Variants in APOD observed in about 807,000 individuals in gnomAD.
APOD encodes the protein apolipoprotein D.
Under a neutral mutation model 20.4 loss-of-function variants are expected in APOD, and 22 were observed. The observed-to-expected ratio is 1.08, with a 90% CI of 0.77 to 1.54. The LOEUF (loss-of-function observed/expected upper bound fraction) is 1.54. Ranked by LOEUF, APOD falls within the 40% of genes most tolerant of loss-of-function variation. The pLI, the probability that APOD is intolerant of heterozygous loss-of-function variation, is 0.00. For missense variants in APOD, 223 were observed against 229.6 expected (o/e 0.97, Z 0.19); for synonymous variants, 97 against 92.4 (o/e 1.05, Z -0.29).
At chr3:195,583,853 A>G (rs1385352431) in intron 1 of APOD, 25 bp downstream of exon 1, 1 of 152,188 alleles carries the variant, frequency 6.6e-6, no homozygotes, top group African/African-American at 2.4e-5. Flanking sequence ...ATCATAAATG[A>G]AAAGCTTAAA....
In APOD at chr3:195,568,830, A is replaced by AT. The variant is rs1553889280; in HGVS notation, c.*69dup. The AT allele has an allele frequency of 4.9e-5, 42 of 862,562 alleles. No homozygotes were observed. The highest frequency in any genetic ancestry group is 2.4e-4 in the East Asian group (8 of 33,418). The allele number at this position is 862,562 out of a possible 1,614,324, so 53.4% of individuals were successfully genotyped here. On this transcript the variant is annotated 3_prime_UTR_variant, in exon 5 of 5. Coordinates refer to ENST00000343267, the MANE Select transcript of APOD (RefSeq NM_001647.4). Reference sequence around the variant, plus strand: ...TGTCGTGGTTGATTGGTTTGTCTTTATGGGGGGGGGGTAGGGGAAAGCGAA... The same window carrying AT: ...TGTCGTGGTTGATTGGTTTGTCTTTATTGGGGGGGGGGTAGGGGAAAGCGAA...
At chr3:195,574,726 T>C (rs1410807705) in intron 2 of APOD, among the ~76,000 whole-genome samples, 1 of 152,196 alleles carries the variant, frequency 6.6e-6, no homozygotes, top group East Asian at 1.9e-4. Flanking sequence ...TTCATTACAG[T>C]ACCGTTTGTA....
chr3:195,574,098 G>A, intron 2 of APOD, 127 bp from the exon 3 acceptor site: 1 of 1,301,602 alleles, frequency 7.7e-7, no homozygotes, highest in Non-Finnish European at 1.1e-6. Context: ...ATTGTTCCCA[G>A]TGGCAACTGG....
chr3:195,569,731 T>C (rs900241822), intron 4 of APOD, among the ~76,000 whole-genome samples: 1 of 149,618 alleles, frequency 6.7e-6, no homozygotes, highest in African/African-American at 2.5e-5. Flanking sequence ...CTCATGCCCC[T>C]CTTCATGTAC....
At chr3:195,570,364 C>T (rs74632805) in intron 4 of APOD, among the ~76,000 whole-genome samples, 2 of 152,160 alleles carry the variant, frequency 1.3e-5, no homozygotes, top group Non-Finnish European at 2.9e-5. Flanking sequence ...GTTTACAGAG[C>T]GTGTGTATCT....
intron 2 of APOD, among the ~76,000 whole-genome samples, chr3:195,578,234 A>G (rs576758167): frequency 1.0e-3 from 154 of 152,286 alleles, no homozygotes; most frequent in African/African-American, 3.5e-3. Context: ...TCTGTGGTCT[A>G]TCAGAGTTAC....
At chr3:195,573,796 T>C (rs1293926290) in intron 3 of APOD, 54 bp downstream of exon 3, 1 of 1,593,036 alleles carries the variant, frequency 6.3e-7, no homozygotes, top group African/African-American at 1.3e-5. Context: ...GGACACCCAG[T>C]CACTCTGCAT....
intron 2 of APOD, among the ~76,000 whole-genome samples, chr3:195,577,565 T>C (rs1215705701): frequency 6.6e-6 from 1 of 152,226 alleles, no homozygotes; most frequent in Non-Finnish European, 1.5e-5. Context: ...ATTTCAAAGC[T>C]TACCTCAAGG....
chr3:195,574,597 G>A lies in APOD; in HGVS notation c.124-626C>T, dbSNP rs6809498. ...GACCATACCAGTTTACAACCTCTGC[G>A]GAGGGCAGTTTGGCAATATCTAGCA... On this transcript the variant is annotated intron_variant, in intron 2 of 4. Transcript: ENST00000343267. Among the ~76,000 whole-genome samples, 21 of 152,250 alleles carry A rather than the reference G, an allele frequency of 1.4e-4. No individual in the cohort carries two copies. In the East Asian group the frequency reaches 3.3e-3, roughly 24 times the overall value.
At chr3:195,576,322 A>G (rs1720246827) in intron 2 of APOD, among the ~76,000 whole-genome samples, 1 of 152,226 alleles carries the variant, frequency 6.6e-6, no homozygotes, top group Non-Finnish European at 1.5e-5. Flanking sequence ...TTATTTTTGC[A>G]AAGGCTTCTT....
intron 2 of APOD, among the ~76,000 whole-genome samples, chr3:195,578,205 A>G (rs181747436): frequency 1.3e-5 from 2 of 152,080 alleles, no homozygotes; most frequent in Non-Finnish European, 2.9e-5. Flanking sequence ...GATTCCTTGG[A>G]TGTTTTCTTT....
chr3:195,571,446 GA>G, intron 3 of APOD, 81 bp from the exon 4 acceptor site: 1 of 1,325,488 alleles, frequency 7.5e-7, no homozygotes, highest in Admixed American at 2.0e-5. Flanking sequence ...AATAAGCAAC[GA>G]AAGGCAAGAT....
intron 4 of APOD, 22 bp from the exon 5 acceptor site, chr3:195,569,157 CA>C (rs940266871): frequency 1.1e-5 from 18 of 1,601,420 alleles, no homozygotes; most frequent in Non-Finnish European, 1.5e-5. Context: ...AGAGAGGCAG[CA>C]TTATTGGAGG....
intron 1 of APOD, chr3:195,582,997 A>C (rs1029745410): frequency 6.6e-6 from 1 of 152,186 alleles, no homozygotes; most frequent in African/African-American, 2.4e-5. Flanking sequence ...CAATCCAACT[A>C]AGGTGACAGT....
chr3:195,581,446 C>T (rs751442605), intron 1 of APOD, among the ~76,000 whole-genome samples: 7 of 152,200 alleles, frequency 4.6e-5, no homozygotes, highest in Non-Finnish European at 8.8e-5. Flanking sequence ...GAAAGCCTGG[C>T]CCAGAGGATC....
At chr3:195,574,968 T>C (rs1237982248) in intron 2 of APOD, among the ~76,000 whole-genome samples, 2 of 152,260 alleles carry the variant, frequency 1.3e-5, no homozygotes, top group Non-Finnish European at 2.9e-5. Flanking sequence ...GCTGCTATAA[T>C]AAATTAGCAC....
At chr3:195,576,024 C>T (rs576821819) in intron 2 of APOD, among the ~76,000 whole-genome samples, 6 of 152,322 alleles carry the variant, frequency 3.9e-5, no homozygotes, top group East Asian at 3.9e-4. Context: ...GCTTCAGCCA[C>T]GGCTTTCCGC....
At chr3:195,572,542 G>A (rs1720179097) in intron 3 of APOD, among the ~76,000 whole-genome samples, 1 of 152,164 alleles carries the variant, frequency 6.6e-6, no homozygotes, top group Non-Finnish European at 1.5e-5. Context: ...GACTCCCAAT[G>A]GCCCCATGAA....
intron 4 of APOD, among the ~76,000 whole-genome samples, chr3:195,569,783 TTCG>T (rs1720126163): frequency 6.9e-6 from 1 of 143,994 alleles, no homozygotes; most frequent in African/African-American, 2.6e-5. Context: ...CTTCTTCTTC[TTCG>T]TTTTTTTTTT....
Sources: allele counts gnomAD v4.1 joint callset (sites outside exome capture counted in the v4.1 genomes callset), GRCh38; gene constraint gnomAD v4.1.1; transcripts MANE v1.5; gene names NCBI Gene and HGNC (gene_info 2026-07-23, HGNC 2026-07-21).